KCND2: variants seen among roughly 807,000 people sequenced by gnomAD.
The protein encoded by KCND2 is potassium voltage-gated channel subfamily D member 2, also known as A-type voltage-gated potassium channel KCND2.
In KCND2, 16 loss-of-function variants were observed where a neutral mutation model predicts 54.4. The observed-to-expected ratio is 0.29, with a 90% CI of 0.20 to 0.45. The LOEUF (loss-of-function observed/expected upper bound fraction) is 0.45. Among genes scored for constraint, KCND2 ranks in the 20% least tolerant of loss-of-function variants. KCND2 has a pLI of 1.00. For missense variants in KCND2, 486 were observed against 824.2 expected (o/e 0.59, Z 5.02); for synonymous variants, 317 against 310.7 (o/e 1.02, Z -0.21).
chr7:120,711,080 A>G (rs1460928977), intron 1 of KCND2, among the ~76,000 whole-genome samples: 1 of 152,102 alleles, frequency 6.6e-6, no homozygotes, highest in African/African-American at 2.4e-5. Context: ...TACAATTAGA[A>G]CTATGCATAT....
intron 1 of KCND2, among the ~76,000 whole-genome samples, chr7:120,728,845 A>G (rs747230196): frequency 6.6e-6 from 1 of 152,122 alleles, no homozygotes; most frequent in Non-Finnish European, 1.5e-5. Flanking sequence ...ACAAATAAGG[A>G]GTCAGGAAAA....
At chr7:120,588,649 G>A (rs1180239040) in intron 1 of KCND2, among the ~76,000 whole-genome samples, 1 of 151,984 alleles carries the variant, frequency 6.6e-6, no homozygotes, top group South Asian at 2.1e-4. Context: ...GACATCTGTG[G>A]GCTAAGGGAA....
intron 1 of KCND2, among the ~76,000 whole-genome samples, chr7:120,711,278 T>G (rs1792534243): frequency 1.3e-5 from 2 of 152,140 alleles, no homozygotes; most frequent in South Asian, 4.1e-4. Flanking sequence ...AGTACAGTCC[T>G]TATACACATT....
At chr7:120,466,804 G>A (rs887585163) in intron 1 of KCND2, among the ~76,000 whole-genome samples, 11 of 151,992 alleles carry the variant, frequency 7.2e-5, no homozygotes, top group African/African-American at 2.7e-4. Context: ...TAAAACCAAG[G>A]TACACAGGAG....
At chr7:120,315,432 A>G (rs1302194127) in intron 1 of KCND2, among the ~76,000 whole-genome samples, 3 of 152,174 alleles carry the variant, frequency 2.0e-5, no homozygotes, top group Non-Finnish European at 4.4e-5. Context: ...AGGGTAACAC[A>G]GTGGAACCGG....
rs998111846 is a variant in KCND2, at chr7:120,715,908, A to G, written c.1116-16995A>G. 2.0e-5 allele frequency among the ~76,000 whole-genome samples: 3 copies of G among 152,218 alleles called. No individual in the cohort carries two copies. In the South Asian group the frequency reaches 6.2e-4, roughly 32 times the overall value. Reference sequence around the variant, plus strand: ...TTGTTTCATTAATTACAAATGAGGGAGTTTAACTTGTATCAGTACCTAAAC... The same window carrying G: ...TTGTTTCATTAATTACAAATGAGGGGGTTTAACTTGTATCAGTACCTAAAC... On this transcript the variant is annotated intron_variant, in intron 1 of 5. Coordinates refer to ENST00000331113, the MANE Select transcript of KCND2 (RefSeq NM_012281.3).
chr7:120,625,362 C>T (rs1309276215), intron 1 of KCND2, among the ~76,000 whole-genome samples: 1 of 152,184 alleles, frequency 6.6e-6, no homozygotes, highest in Non-Finnish European at 1.5e-5. Context: ...GGATTTTTCT[C>T]TAAGCTTTGC....
chr7:120,399,735 T>TATTTATTC (rs1441248539), intron 1 of KCND2, among the ~76,000 whole-genome samples: 1 of 148,018 alleles, frequency 6.8e-6, no homozygotes, highest in Non-Finnish European at 1.5e-5. Context: ...TTTATTTATT[T>TATTTATTC]ATTCATTTGA....
intron 1 of KCND2, among the ~76,000 whole-genome samples, chr7:120,351,242 G>GTGTATA (rs1554430152): frequency 5.7e-4 from 27 of 47,512 alleles, no homozygotes; most frequent in Non-Finnish European, 1.1e-3. Context: ...ATTTATATGT[G>GTGTATA]TGTATATATA....
chr7:120,323,162 A>C (rs1799918188), intron 1 of KCND2, among the ~76,000 whole-genome samples: 1 of 151,924 alleles, frequency 6.6e-6, no homozygotes, highest in Middle Eastern at 3.2e-3. Flanking sequence ...CCCACCCCCG[A>C]CAGGCCCTGG....
intron 1 of KCND2, among the ~76,000 whole-genome samples, chr7:120,546,589 T>C (rs1369326782): frequency 1.3e-5 from 2 of 152,066 alleles, no homozygotes; most frequent in Non-Finnish European, 1.5e-5. Flanking sequence ...GCCATACCCT[T>C]CCATATACAT....
At chr7:120,568,361 A>G (rs867883761) in intron 1 of KCND2, among the ~76,000 whole-genome samples, 17 of 152,072 alleles carry the variant, frequency 1.1e-4, no homozygotes, top group Admixed American at 2.6e-4. Flanking sequence ...AAAATGTACA[A>G]TTTCATTATT....
intron 1 of KCND2, among the ~76,000 whole-genome samples, chr7:120,276,565 T>G (rs1239604455): frequency 6.6e-6 from 1 of 152,186 alleles, no homozygotes; most frequent in Non-Finnish European, 1.5e-5. Flanking sequence ...TCACCAAGGC[T>G]GGCTGTATTA....
intron 1 of KCND2, among the ~76,000 whole-genome samples, chr7:120,332,690 A>G (rs1025288106): frequency 1.3e-5 from 2 of 152,098 alleles, no homozygotes; most frequent in African/African-American, 4.8e-5. Context: ...CTAGAGGACC[A>G]TATGGGTTAT....
chr7:120,365,729 G>C (rs959764682), intron 1 of KCND2, among the ~76,000 whole-genome samples: 1 of 152,090 alleles, frequency 6.6e-6, no homozygotes, highest in Non-Finnish European at 1.5e-5. Flanking sequence ...GAAACTGAAA[G>C]ATGCACCTAC....
chr7:120,346,158 A>G (rs1800312810), intron 1 of KCND2, among the ~76,000 whole-genome samples: 1 of 152,172 alleles, frequency 6.6e-6, no homozygotes, highest in Non-Finnish European at 1.5e-5. Flanking sequence ...ATATCTGTTG[A>G]GACCCTTTGG....
At chr7:120,389,434 C>G (rs1414584238) in intron 1 of KCND2, among the ~76,000 whole-genome samples, 1 of 151,816 alleles carries the variant, frequency 6.6e-6, no homozygotes, top group Non-Finnish European at 1.5e-5. Flanking sequence ...ATATTATTAA[C>G]TATGGTCCTC....
Position 120,418,248 on chromosome 7 carries a change from G to T in KCND2, c.1115+142501G>T, listed in dbSNP as rs10273350. Among the ~76,000 whole-genome samples, 823 of 152,256 alleles carry T rather than the reference G, an allele frequency of 5.4e-3. 6 individuals are homozygous for T. The highest frequency in any genetic ancestry group is 0.019 in the African/African-American group (796 of 41,550). On this transcript the variant is annotated intron_variant, in intron 1 of 5. Transcript: ENST00000331113. ...TATAAACAAGGATATATGCCTTTCAGAAGGTTATATCCTCATTGTGATAAT... is the reference window on the plus strand; with the variant it reads ...TATAAACAAGGATATATGCCTTTCATAAGGTTATATCCTCATTGTGATAAT...
chr7:120,424,755 G>A (rs1024013604), intron 1 of KCND2, among the ~76,000 whole-genome samples: 1 of 152,120 alleles, frequency 6.6e-6, no homozygotes, highest in Non-Finnish European at 1.5e-5. Context: ...ATAATATGAA[G>A]CATAAAAACT....
Sources: gnomAD v4.1 joint callset for allele counts (sites outside exome capture counted in the v4.1 genomes callset) on GRCh38, gnomAD v4.1.1 for gene constraint, MANE v1.5 for transcripts, NCBI Gene and HGNC (gene_info 2026-07-23, HGNC 2026-07-21) for gene names.